PTPRA: variants seen among roughly 807,000 people sequenced by gnomAD.
PTPRA encodes the protein receptor-type tyrosine-protein phosphatase alpha.
Under a neutral mutation model 104.8 loss-of-function variants are expected in PTPRA, and 25 were observed. The ratio of observed to expected loss-of-function variants is 0.24; its 90% CI spans 0.17 to 0.33. The LOEUF (loss-of-function observed/expected upper bound fraction) is 0.33. PTPRA is among the 10% of genes least tolerant of loss of function. The pLI, the probability that PTPRA is intolerant of heterozygous loss-of-function variation, is 1.00. For synonymous variants in PTPRA, 323 were observed against 368.9 expected, an observed-to-expected ratio of 0.88 and a Z score of 1.43; for missense variants, 765 against 1,015.3, an observed-to-expected ratio of 0.75 and a Z score of 3.35.
chr20:2,889,233 G>A (rs2058707031), intron 1 of PTPRA, among the ~76,000 whole-genome samples: 1 of 152,154 alleles, frequency 6.6e-6, no homozygotes, highest in Non-Finnish European at 1.5e-5. Flanking sequence ...TAGGCATTTT[G>A]TATAGAAATA....
intron 1 of PTPRA, among the ~76,000 whole-genome samples, chr20:2,910,365 T>C (rs1304116055): frequency 4.5e-5 from 4 of 88,278 alleles, no homozygotes; most frequent in South Asian, 7.3e-4. Flanking sequence ...ATTTTATATA[T>C]AATATATTTT....
the PTPRA span, among the ~76,000 whole-genome samples, chr20:2,868,168 T>C: frequency 1.3e-5 from 2 of 152,142 alleles, no homozygotes; most frequent in Admixed American, 1.3e-4. Context: ...AGGACAAGCA[T>C]CCCAAGAGGG....
intron 13 of PTPRA, among the ~76,000 whole-genome samples, chr20:3,019,264 C>G: frequency 6.6e-6 from 1 of 150,564 alleles, no homozygotes; most frequent in Non-Finnish European, 1.5e-5. Flanking sequence ...GACCCCCCCA[C>G]CTCCCTCCCG....
chr20:2,896,045 G>C (rs6051460), intron 1 of PTPRA, among the ~76,000 whole-genome samples: 31,487 of 151,642 alleles, frequency 0.21, 5,277 homozygotes, highest in African/African-American at 0.46. Flanking sequence ...TTATCTTTTT[G>C]TAACGGATTT....
rs71195810 is a variant in PTPRA at position 3,008,745 on chromosome 20, C to CA, written c.906+1339dup. On this transcript the variant is annotated intron_variant, in intron 11 of 23. Coordinates refer to ENST00000399903, the MANE Select transcript of PTPRA (RefSeq NM_001385305.1). ...ATCTCTACTAAAAAAAAAAAAAAAA[C>CA]AAAAAAAAAAAAAACAACTTAGCCG... 7.0e-3 allele frequency among the ~76,000 whole-genome samples: 691 copies of CA among 99,308 alleles called. 4 individuals carry two copies. Among genetic ancestry groups the CA allele is most frequent in the Middle Eastern group, 0.01 (2 of 192 alleles). The allele number at this position is 99,308 out of a possible 152,430, so 65.1% of individuals were successfully genotyped here.
intron 22 of PTPRA, among the ~76,000 whole-genome samples, chr20:3,036,598 A>C (rs937807203): frequency 6.6e-6 from 1 of 152,056 alleles, no homozygotes; most frequent in African/African-American, 2.4e-5. Context: ...TCCTTACCAC[A>C]CATCTTCTTG....
rs2065038278 is a variant in PTPRA at position 3,024,497 on chromosome 20, C to A, written c.1490C>A (p.Ala497Asp). ...TDMQYVFIYQ[A>D]LLEHYLYGDT... ...ATGCAGTATGTCTTCATATACCAAG[C>A]CCTTCTGGAGCATTATCTCTATGGA... The change falls in exon 17 of 24, where the codon GCC becomes GAC. Residue 497 changes from alanine to aspartate, a missense_variant. By Grantham distance (126) the Ala-to-Asp change is moderately radical. Transcript: ENST00000399903. The A allele has an allele frequency of 1.2e-6, 2 of 1,613,716 alleles. No individual in the cohort carries two copies. The highest frequency in any genetic ancestry group is 8.5e-7 in the Non-Finnish European group (1 of 1,179,662).
At chr20:2,916,395 GA>G (rs1164363926) in intron 1 of PTPRA, among the ~76,000 whole-genome samples, 3 of 152,154 alleles carry the variant, frequency 2.0e-5, no homozygotes, top group African/African-American at 7.2e-5. Flanking sequence ...TTTTGCATGT[GA>G]ATATCCAGTT....
intron 1 of PTPRA, among the ~76,000 whole-genome samples, chr20:2,884,856 CT>C (rs1404753958): frequency 6.7e-6 from 1 of 148,560 alleles, no homozygotes; most frequent in Non-Finnish European, 1.5e-5. Flanking sequence ...GTCGCCCAGG[CT>C]GGAGTGCAGT....
chr20:2,883,063 C>T (rs920112387), intron 1 of PTPRA, among the ~76,000 whole-genome samples: 8 of 148,500 alleles, frequency 5.4e-5, no homozygotes, highest in Non-Finnish European at 1.0e-4. Context: ...TGGCTCATTG[C>T]AGCCTTGACC....
intron 3 of PTPRA, among the ~76,000 whole-genome samples, chr20:2,963,722 A>G (rs191993283): frequency 4.6e-5 from 7 of 152,214 alleles, no homozygotes; most frequent in Admixed American, 4.6e-4. Context: ...AAAAATGCTC[A>G]CTGGGACATT....
chr20:2,897,514 A>G (rs539096217), intron 1 of PTPRA, among the ~76,000 whole-genome samples: 8 of 151,070 alleles, frequency 5.3e-5, no homozygotes, highest in Non-Finnish European at 1.0e-4. Context: ...CACCCTCCCA[A>G]GTAGCTGGGG....
chr20:2,964,143 C>A (rs2061860410), intron 3 of PTPRA, 129 bp from the exon 4 acceptor site: 6 of 724,484 alleles, frequency 8.3e-6, no homozygotes, highest in South Asian at 5.2e-5. Context: ...GCATATCAGG[C>A]TCCCAAAAGA....
At chr20:2,883,766 A>G (rs1222929215) in intron 1 of PTPRA, among the ~76,000 whole-genome samples, 2 of 151,682 alleles carry the variant, frequency 1.3e-5, no homozygotes, top group Non-Finnish European at 2.9e-5. Flanking sequence ...ATATTATAAA[A>G]TTCTCCTTTT....
Position 3,038,166 on chromosome 20 carries a change from G to C in PTPRA, c.*33G>C. The C allele has an allele frequency of 6.4e-7, 1 of 1,555,204 alleles. No individual in the cohort carries two copies. The highest frequency in any genetic ancestry group is 8.9e-7 in the Non-Finnish European group (1 of 1,126,982). On this transcript the variant is annotated 3_prime_UTR_variant, in exon 24 of 24. Coordinates refer to ENST00000399903, the MANE Select transcript of PTPRA (RefSeq NM_001385305.1). ...CAAGGGTCCGTGGACCAGGAGGATT[G>C]CCTTTAATATTTTGTAATATTCTGT...
At position 3,037,323 on chromosome 20, in the gene PTPRA, A is replaced by C; in HGVS notation, c.2334+34A>C. On this transcript the variant is annotated intron_variant, in intron 23 of 23. Coordinates refer to ENST00000399903, the MANE Select transcript of PTPRA (RefSeq NM_001385305.1). This position sits in a 1 kb window ranked among gnomAD's most constrained non-coding sequence, Gnocchi z 4.3. The stretch of plus-strand genomic sequence containing the variant: ...CCCACATATTTGTCCCTGCCACCAC[A>C]CCACCTGCAGCCCTTCTCTCAGGGA... The C allele has an allele frequency of 2.5e-6, 4 of 1,610,014 alleles. No homozygotes were observed. The highest frequency in any genetic ancestry group is 3.4e-6 in the Non-Finnish European group (4 of 1,178,040).
At chr20:2,940,794 G>C (rs1322919836) in intron 2 of PTPRA, among the ~76,000 whole-genome samples, 1 of 152,202 alleles carries the variant, frequency 6.6e-6, no homozygotes, top group Non-Finnish European at 1.5e-5. Context: ...TTCATGGTAC[G>C]ACAGCAGAGT....
intron 9 of PTPRA, among the ~76,000 whole-genome samples, chr20:2,993,917 A>ACAGG (rs1428969411): frequency 6.6e-6 from 1 of 152,194 alleles, no homozygotes; most frequent in Non-Finnish European, 1.5e-5. Context: ...GCCCTGACAG[A>ACAGG]CAGGCAGGCA....
At chr20:2,875,664 C>G (rs2089672955) in intron 1 of PTPRA, among the ~76,000 whole-genome samples, 1 of 152,176 alleles carries the variant, frequency 6.6e-6, no homozygotes, top group African/African-American at 2.4e-5. Flanking sequence ...TTGTGACAAG[C>G]TATGTAATGT....
Sources: allele counts gnomAD v4.1 joint callset (sites outside exome capture counted in the v4.1 genomes callset), GRCh38; gene constraint gnomAD v4.1.1; non-coding constraint Gnocchi (gnomAD v3.1); transcripts MANE v1.5; gene names NCBI Gene and HGNC (gene_info 2026-07-23, HGNC 2026-07-21).